ALDH3B2: variants seen among roughly 807,000 people sequenced by gnomAD.
ALDH3B2 encodes aldehyde dehydrogenase family 3 member B2.
ALDH3B2 carries 45 observed loss-of-function variants against 36.7 expected under a neutral mutation model. The observed-to-expected ratio is 1.23, with a 90% CI of 0.97 to 1.57. The LOEUF (loss-of-function observed/expected upper bound fraction) is 1.57, where lower values mean the gene tolerates loss of function less well. Ranked by LOEUF, ALDH3B2 falls within the 40% of genes most tolerant of loss-of-function variation. The pLI is 0.00. For synonymous variants in ALDH3B2, 217 were observed against 226.5 expected (o/e 0.96, Z 0.38); for missense variants, 464 against 513.3 (o/e 0.90, Z 0.93).
intron 2 of ALDH3B2, 107 bp downstream of exon 2, chr11:67,667,366 A>G (rs1855949515): frequency 2.7e-6 from 1 of 368,054 alleles, no homozygotes; most frequent in Admixed American, 4.2e-5. Flanking sequence ...TTAAACAAAC[A>G]GGAATAAAAC....
chr11:67,663,339 C>T lies in ALDH3B2; in HGVS notation c.1034G>A (p.Arg345His), dbSNP rs1028442444. The T allele has an allele frequency of 1.1e-5, 17 of 1,613,922 alleles. No homozygotes were observed. Among genetic ancestry groups the T allele is most frequent in the African/African-American group, 9.3e-5 (7 of 74,894 alleles). ...GCCGGAGGGGGCGAGCAGGCAGGTG[C>T]GGTGGTGGGAGAAGGTGTCGAAGGT... The change falls in exon 10 of 10, where the codon CGC (arginine) becomes CAC (histidine). Residue 345 changes from arginine to histidine, a missense_variant. Physicochemically the swap from Arg to His is conservative, Grantham distance 29 (BLOSUM62 0). Coordinates refer to ENST00000349015, the Ensembl canonical transcript of ALDH3B2.
chr11:67,663,566 G>A (rs1370352244), intron 9 of ALDH3B2, 96 bp downstream of exon 9: 2 of 1,390,746 alleles, frequency 1.4e-6, no homozygotes, highest in Non-Finnish European at 2.0e-6. Context: ...AGAGGCCCAG[G>A]GTGTGGATCA....
exon 7 of ALDH3B2, chr11:67,665,586 G>A (rs200850468): frequency 1.7e-5 from 28 of 1,614,004 alleles, no homozygotes; most frequent in South Asian, 2.2e-5. Context: ...CCACGTAGCA[G>A]GGGTTCTTGC....
Position 67,667,653 on chromosome 11 carries a change from T to C in ALDH3B2, c.-244-18A>G, listed in dbSNP as rs1855958932. The C allele has an allele frequency of 6.1e-6, 2 of 328,480 alleles. No individual in the cohort carries two copies. The highest frequency in any genetic ancestry group is 2.6e-4 in the South Asian group (2 of 7,820). The allele number at this position is 328,480 out of a possible 1,614,324, so 20.3% of individuals were successfully genotyped here. A position where few individuals can be genotyped will look rare whatever the true frequency, so the allele number is the denominator to read the frequency against. The stretch of plus-strand genomic sequence containing the variant: ...GGTCCATCCTGCCGGATGGGGTGGC[T>C]TGAACTGGGTGGCCAGGGCTGCCCC... On this transcript the variant is annotated intron_variant, in intron 1 of 9. Transcript: ENST00000349015.
At chr11:67,673,476 C>T (rs944594578) in intron 1 of ALDH3B2, among the ~76,000 whole-genome samples, 4 of 152,144 alleles carry the variant, frequency 2.6e-5, no homozygotes, top group South Asian at 2.1e-4. Flanking sequence ...GCGGGGAAGC[C>T]GTAGGGGAGG....
chr11:67,667,061 C>T, intron 2 of ALDH3B2, 45 bp from the exon 3 acceptor site: 2 of 1,167,600 alleles, frequency 1.7e-6, no homozygotes, highest in South Asian at 2.6e-5. Flanking sequence ...CAGACCTGGG[C>T]CAGGAGGGGT....
At chr11:67,669,380 G>A (rs539723896) in intron 1 of ALDH3B2, among the ~76,000 whole-genome samples, 18 of 150,804 alleles carry the variant, frequency 1.2e-4, no homozygotes, top group African/African-American at 4.4e-4. Context: ...GTGTGTATGG[G>A]TGCTGTGTCC....
At chr11:67,662,161 C>G (rs1479745295), downstream of ALDH3B2, 1 of 152,214 alleles carries the variant, frequency 6.6e-6, no homozygotes, top group African/African-American at 2.4e-5. Context: ...AAGATAGGCT[C>G]TCCAGAACAG....
exon 1 of ALDH3B2, chr11:67,681,189 G>A (rs1856361557): frequency 6.6e-6 from 1 of 152,296 alleles, no homozygotes; most frequent in African/African-American, 2.4e-5. Flanking sequence ...TATGGTGGAA[G>A]GGGAAGCAAC....
chr11:67,667,052 A>C (rs1157527575), intron 2 of ALDH3B2, 36 bp from the exon 3 acceptor site: 17 of 1,314,956 alleles, frequency 1.3e-5, no homozygotes, highest in Non-Finnish European at 1.8e-5. Context: ...GGTCAGGCCC[A>C]GACCTGGGCC....
At chr11:67,664,535 T>G in exon 8 of ALDH3B2, 1 of 1,613,660 alleles carries the variant, frequency 6.2e-7, no homozygotes, top group Non-Finnish European at 8.5e-7. Context: ...AGGCTCCGTC[T>G]CCTGCACGTC....
At chr11:67,676,415 A>G (rs1301769874), upstream of ALDH3B2, among the ~76,000 whole-genome samples, 1 of 152,096 alleles carries the variant, frequency 6.6e-6, no homozygotes, top group Non-Finnish European at 1.5e-5. Flanking sequence ...CTGAATGACA[A>G]CAGTGACACA....
chr11:67,665,307 G>T (rs777463964), exon 7 of ALDH3B2: 2 of 1,610,362 alleles, frequency 1.2e-6, no homozygotes, highest in African/African-American at 2.7e-5. Flanking sequence ...CGCTCTCGTT[G>T]CTCTGGCCCC....
intron 1 of ALDH3B2, among the ~76,000 whole-genome samples, chr11:67,671,673 A>G (rs111332700): frequency 9.9e-5 from 15 of 151,378 alleles, no homozygotes; most frequent in African/African-American, 3.4e-4. Context: ...CAACCTCCCG[A>G]GTAGCTGGGA....
chr11:67,664,554 C>T, exon 8 of ALDH3B2: 1 of 1,613,402 alleles, frequency 6.2e-7, no homozygotes. Flanking sequence ...TCCACCAGCA[C>T]CGTGGGGGCT....
intron 8 of ALDH3B2, 55 bp downstream of exon 8, chr11:67,664,341 C>T (rs1330298986): frequency 6.2e-7 from 1 of 1,609,712 alleles, no homozygotes; most frequent in Non-Finnish European, 8.5e-7. Flanking sequence ...AGGAAAGGTG[C>T]CAGTCTGTGC....
chr11:67,666,007 C>T (rs1855896885), intron 6 of ALDH3B2, 115 bp downstream of exon 6: 1 of 1,343,066 alleles, frequency 7.4e-7, no homozygotes, highest in South Asian at 1.3e-5. Flanking sequence ...TGTGCCAGCT[C>T]CAGCTCCCCA....
exon 4 of ALDH3B2, chr11:67,666,632 T>C: frequency 6.2e-7 from 1 of 1,613,540 alleles, no homozygotes; most frequent in Non-Finnish European, 8.5e-7. Flanking sequence ...AGTTCCAGGG[T>C]GCGATGATGA....
chr11:67,681,007 G>A (rs1429563575), intron 1 of ALDH3B2, among the ~76,000 whole-genome samples: 1 of 152,208 alleles, frequency 6.6e-6, no homozygotes, highest in Non-Finnish European at 1.5e-5. Context: ...TGCCTAAACA[G>A]CTGGGCAAAG....
Sources: allele counts gnomAD v4.1 joint callset (sites outside exome capture counted in the v4.1 genomes callset), GRCh38; gene constraint gnomAD v4.1.1; transcripts MANE v1.5; gene names NCBI Gene and HGNC (gene_info 2026-07-23, HGNC 2026-07-21).